Variants in BLK observed in about 807,000 individuals in gnomAD.
The protein encoded by BLK is tyrosine-protein kinase Blk.
BLK carries 64 observed loss-of-function variants against 61.8 expected under a neutral mutation model. The ratio of observed to expected loss-of-function variants is 1.03; its 90% CI spans 0.85 to 1.27. BLK has a LOEUF of 1.27. Ranked by LOEUF, BLK falls within the 50% of genes most tolerant of loss-of-function variation. BLK has a pLI of 0.00. For synonymous variants in BLK, 351 were observed against 272.0 expected, an observed-to-expected ratio of 1.29 and a Z score of -2.86; for missense variants, 853 against 660.5, an observed-to-expected ratio of 1.29 and a Z score of -3.19.
At chr8:11,556,335 T>C (rs1212209504) in intron 8 of BLK, 7 of 403,800 alleles carry the variant, frequency 1.7e-5, no homozygotes, top group Admixed American at 3.6e-5. Context: ...TATTGTGTGA[T>C]AGAAGAGACT....
chr8:11,525,521 A>G (rs765706148), intron 1 of BLK, among the ~76,000 whole-genome samples: 1 of 152,078 alleles, frequency 6.6e-6, no homozygotes, highest in Non-Finnish European at 1.5e-5. Flanking sequence ...TATCCTGGGT[A>G]TTTTTCTTTG....
chr8:11,496,272 C>G (rs575547301), intron 1 of BLK, among the ~76,000 whole-genome samples: 2 of 152,190 alleles, frequency 1.3e-5, no homozygotes, highest in Admixed American at 6.5e-5. Flanking sequence ...GGGTCTTGCT[C>G]TGTTGCCCAG....
chr8:11,520,020 T>G (rs920264002), intron 1 of BLK, among the ~76,000 whole-genome samples: 4 of 152,190 alleles, frequency 2.6e-5, no homozygotes, highest in African/African-American at 9.7e-5. Context: ...ATGTAAAGTT[T>G]TGAATTTTAT....
chr8:11,546,984 C>A (rs1800676737), intron 3 of BLK, among the ~76,000 whole-genome samples: 1 of 152,212 alleles, frequency 6.6e-6, no homozygotes, highest in African/African-American at 2.4e-5. Context: ...AAGAGGGTGG[C>A]CTCCTTCAAA....
Position 11,561,313 on chromosome 8 carries a change from G to A in BLK, c.1041G>A (p.Gly347=), listed in dbSNP as rs1475104158. 4 of 1,613,536 alleles carry A rather than the reference G, an allele frequency of 2.5e-6. No individual in the cohort carries two copies. Among genetic ancestry groups the A allele is most frequent in the Non-Finnish European group, 3.4e-6 (4 of 1,179,808 alleles). ...GCCTGTTCCCTCAGATTGCTGAAGG[G>A]ATGGCATACATTGAGCGCATGAATT... is the stretch of plus-strand genomic sequence containing the variant. ...LIDMSAQIAE[G]MAYIERMNSI... The change falls in exon 11 of 13, where the codon GGG becomes GGA. Residue 347 remains glycine, a synonymous_variant. Coordinates refer to ENST00000259089, the MANE Select transcript of BLK (RefSeq NM_001715.3).
chr8:11,517,130 A>G (rs1282365812), intron 1 of BLK, among the ~76,000 whole-genome samples: 1 of 152,150 alleles, frequency 6.6e-6, no homozygotes, highest in Non-Finnish European at 1.5e-5. Context: ...AGGTGGGAGG[A>G]CAGGGAAGAG....
intron 1 of BLK, among the ~76,000 whole-genome samples, chr8:11,537,378 A>G (rs1296704257): frequency 6.6e-6 from 1 of 152,182 alleles, no homozygotes. Context: ...CTTTGCCAGT[A>G]GGTACCCCTG....
intron 6 of BLK, 83 bp downstream of exon 6, chr8:11,550,345 G>A: frequency 1.5e-6 from 2 of 1,320,412 alleles, no homozygotes; most frequent in Non-Finnish European, 2.2e-6. Flanking sequence ...GGAGTGAGAG[G>A]GGAAGGGGTG....
intron 1 of BLK, among the ~76,000 whole-genome samples, chr8:11,533,313 G>A (rs1447981914): frequency 1.3e-5 from 2 of 152,084 alleles, no homozygotes; most frequent in African/African-American, 2.4e-5. Context: ...CAGTCTAAAT[G>A]TTCTCCTGCA....
chr8:11,524,981 T>C lies in BLK; in HGVS notation c.-1-18243T>C, dbSNP rs540088545. Among the ~76,000 whole-genome samples the C allele has an allele frequency of 4.3e-4, 66 of 152,036 alleles. 2 individuals are homozygous for C. The South Asian group carries it at 0.013, about 30-fold the overall frequency. On this transcript the variant is annotated intron_variant, in intron 1 of 12. Coordinates refer to ENST00000259089, the MANE Select transcript of BLK (RefSeq NM_001715.3). Reference sequence around the variant, plus strand: ...AATGTTCAGAGTGGCTGTCTCTGGATGATGGCATTGGAGTTAATTTTATCT... The same window carrying C: ...AATGTTCAGAGTGGCTGTCTCTGGACGATGGCATTGGAGTTAATTTTATCT...
chr8:11,520,520 AGAAAAGAAAAG>A (rs1294731074), intron 1 of BLK, among the ~76,000 whole-genome samples: 2 of 151,168 alleles, frequency 1.3e-5, no homozygotes, highest in Non-Finnish European at 2.9e-5. Context: ...AGAAAAAGAA[AGAAAAGAAAAG>A]GAAAAGAAAA....
At chr8:11,550,935 G>C (rs1015688826) in intron 6 of BLK, among the ~76,000 whole-genome samples, 8 of 152,298 alleles carry the variant, frequency 5.3e-5, no homozygotes, top group Admixed American at 1.3e-4. Flanking sequence ...ACAAATCCCT[G>C]TGTAATGACA....
At chr8:11,516,094 A>C (rs1056262895) in intron 1 of BLK, among the ~76,000 whole-genome samples, 5 of 152,224 alleles carry the variant, frequency 3.3e-5, no homozygotes, top group African/African-American at 1.2e-4. Flanking sequence ...GAAAGGAAGG[A>C]AATTCCTTCA....
At chr8:11,504,145 G>A (rs373561694) in intron 1 of BLK, among the ~76,000 whole-genome samples, 5 of 152,184 alleles carry the variant, frequency 3.3e-5, no homozygotes, top group Middle Eastern at 3.4e-3. Context: ...CCAACATGGC[G>A]AAACTGTCTC....
At chr8:11,521,858 C>T (rs1390871635) in intron 1 of BLK, among the ~76,000 whole-genome samples, 1 of 152,200 alleles carries the variant, frequency 6.6e-6, no homozygotes, top group Non-Finnish European at 1.5e-5. Flanking sequence ...GAGGGGACTC[C>T]TCTCTATCTT....
chr8:11,560,617 A>G (rs1801464533), intron 10 of BLK: 1 of 339,692 alleles, frequency 2.9e-6, no homozygotes, highest in Admixed American at 4.0e-5. Context: ...ACCAGCTGCT[A>G]TCCCTGGCCC....
At chr8:11,536,027 A>G (rs1563103193) in intron 1 of BLK, among the ~76,000 whole-genome samples, 1 of 152,272 alleles carries the variant, frequency 6.6e-6, no homozygotes, top group African/African-American at 2.4e-5. Context: ...CCTTGTTTGA[A>G]TCCTGAGTAG....
rs1432419383 is a variant in BLK, at chr8:11,556,686, C to T, written c.801C>T (p.Ala267=). The change falls in exon 9 of 13, where the codon GCC becomes GCT. Residue 267 remains alanine (A), a synonymous_variant. Coordinates refer to ENST00000259089, the MANE Select transcript of BLK (RefSeq NM_001715.3). ...MGYYKNNMKV[A]IKTLKEGTMS... is the part of the protein sequence containing the mutation. Reference sequence around the variant, plus strand: ...ACTACAAAAACAACATGAAGGTGGCCATTAAGACGCTGAAGGAGGGAACCA... The same window carrying T: ...ACTACAAAAACAACATGAAGGTGGCTATTAAGACGCTGAAGGAGGGAACCA... 12 of 1,614,166 alleles carry T rather than the reference C, an allele frequency of 7.4e-6. No individual in the cohort carries two copies. The highest frequency in any genetic ancestry group is 1.0e-5 in the Non-Finnish European group (12 of 1,180,042).
chr8:11,554,746 C>G lies in BLK; in HGVS notation c.476C>G (p.Ala159Gly). The G allele has an allele frequency of 6.2e-7, 1 of 1,613,518 alleles. No individual in the cohort carries two copies. Among genetic ancestry groups the G allele is most frequent in the Non-Finnish European group, 8.5e-7 (1 of 1,180,016 alleles). Residue 159 changes from alanine to glycine, a missense_variant, in exon 7 of 13, where the codon GCC becomes GGC. Physicochemically the swap from Ala to Gly is moderately conservative, Grantham distance 60. Coordinates refer to ENST00000259089, the MANE Select transcript of BLK (RefSeq NM_001715.3). ...TGTGTCTTCATGAACCCTCCAGGTG[C>G]CTTCTCCCTGTCTGTGAAGGATGTC... Reference protein sequence around the residue: ...LIRESETNKGAFSLSVKDVTT... With the variant: ...LIRESETNKGGFSLSVKDVTT...
Sources: gnomAD v4.1 joint callset for allele counts (sites outside exome capture counted in the v4.1 genomes callset) on GRCh38, gnomAD v4.1.1 for gene constraint, MANE v1.5 for transcripts, NCBI Gene and HGNC (gene_info 2026-07-23, HGNC 2026-07-21) for gene names.